Variants in EDAR observed in about 807,000 individuals in gnomAD.
EDAR encodes the protein ectodysplasin A receptor.
A neutral mutation model predicts 51.3 loss-of-function variants in EDAR; 38 were observed. That is an observed-to-expected ratio of 0.74 (90% CI 0.57 to 0.97). EDAR has a LOEUF of 0.97. Ranked by LOEUF, EDAR falls within the 50% of genes least tolerant of loss-of-function variation. The pLI is 0.00. For missense variants in EDAR, 528 were observed against 595.0 expected (o/e 0.89, Z 1.17); for synonymous variants, 227 against 242.1 (o/e 0.94, Z 0.58).
chr2:108,966,022 G>A lies in EDAR; in HGVS notation c.-19+22938C>T, dbSNP rs992580053. Among the ~76,000 whole-genome samples, 3 of 152,052 alleles carry A rather than the reference G, an allele frequency of 2.0e-5. 1 individual carries two copies. Among genetic ancestry groups the A allele is most frequent in the Non-Finnish European group, 4.4e-5 (3 of 68,024 alleles). ...AGTGACACCTTCCCTTTTACAACTG[G>A]GGCTGTTAATACCACAATTAAAACA... On this transcript the variant is annotated intron_variant, in intron 1 of 11. Transcript: ENST00000258443.
chr2:108,919,829 C>T (rs1187734948), intron 5 of EDAR, among the ~76,000 whole-genome samples: 2 of 152,240 alleles, frequency 1.3e-5, no homozygotes, highest in Non-Finnish European at 2.9e-5. Flanking sequence ...AGCCCTTCTG[C>T]CCAGTGGCTC....
In EDAR at chr2:108,897,135, C is replaced by T. The variant is rs144939741; in HGVS notation, c.1119G>A (p.Thr373=). Residue 373 remains threonine (T), a synonymous_variant, in exon 12 of 12, where the codon ACG becomes ACA. Coordinates refer to ENST00000258443, the MANE Select transcript of EDAR (RefSeq NM_022336.4). ...TYNSEKAVVK[T]WRHLAESFGL... is the part of the protein sequence containing the mutation. ...CGAAGCTCTCGGCGAGGTGGCGCCA[C>T]GTTTTCACAACAGCCTTCTCAGAGT... The T allele has an allele frequency of 1.4e-4, 220 of 1,613,988 alleles. No individual in the cohort carries two copies. The Middle Eastern group carries it at 1.5e-3, about 11-fold the overall frequency.
intron 1 of EDAR, among the ~76,000 whole-genome samples, chr2:108,944,302 C>T (rs534364533): frequency 1.5e-4 from 23 of 152,216 alleles, no homozygotes; most frequent in Admixed American, 9.2e-4. Context: ...TTAGTAGAGA[C>T]GGGGTTTCAC....
At chr2:108,912,875 G>T (rs1162356656) in intron 5 of EDAR, 111 bp from the exon 6 acceptor site, 2 of 843,522 alleles carry the variant, frequency 2.4e-6, no homozygotes, top group African/African-American at 1.7e-5. Flanking sequence ...CTGAGGCAGT[G>T]ATGGCTGAGG....
At chr2:108,985,662 C>G (rs1461913174) in intron 1 of EDAR, among the ~76,000 whole-genome samples, 1 of 152,164 alleles carries the variant, frequency 6.6e-6, no homozygotes, top group Non-Finnish European at 1.5e-5. Context: ...TCCTGGGGTC[C>G]AAACAGTGTG....
chr2:108,984,142 C>T (rs1014148328), intron 1 of EDAR, among the ~76,000 whole-genome samples: 14 of 152,090 alleles, frequency 9.2e-5, no homozygotes, highest in South Asian at 2.1e-4. Context: ...CATGTGTTAA[C>T]GGCCAAGGGA....
intron 5 of EDAR, among the ~76,000 whole-genome samples, chr2:108,921,782 C>T (rs1407067271): frequency 2.0e-5 from 3 of 152,248 alleles, no homozygotes; most frequent in Non-Finnish European, 4.4e-5. Context: ...ACCCCAAGGC[C>T]TATCTGGCCG....
chr2:108,939,998 G>A (rs1416132989), intron 1 of EDAR, among the ~76,000 whole-genome samples: 3 of 152,186 alleles, frequency 2.0e-5, no homozygotes, highest in South Asian at 4.1e-4. Flanking sequence ...AAACAAGAAC[G>A]TAATCCTTAA....
intron 1 of EDAR, among the ~76,000 whole-genome samples, chr2:108,987,597 C>T (rs1698518404): frequency 6.6e-6 from 1 of 152,216 alleles, no homozygotes; most frequent in African/African-American, 2.4e-5. Context: ...AGTGTATTTA[C>T]TTTTTCCTCC....
At chr2:108,986,830 G>A (rs915219594) in intron 1 of EDAR, among the ~76,000 whole-genome samples, 13 of 152,152 alleles carry the variant, frequency 8.5e-5, no homozygotes, top group African/African-American at 1.2e-4. Flanking sequence ...GGACAGAATC[G>A]TAGGCATTGA....
At chr2:108,978,226 T>C (rs913285090) in intron 1 of EDAR, among the ~76,000 whole-genome samples, 26 of 152,146 alleles carry the variant, frequency 1.7e-4, no homozygotes, top group African/African-American at 6.0e-4. Flanking sequence ...AACTCATCAT[T>C]GGTCTATGAA....
chr2:108,960,878 C>T (rs1226307389), intron 1 of EDAR, among the ~76,000 whole-genome samples: 2 of 152,186 alleles, frequency 1.3e-5, no homozygotes. Flanking sequence ...TATAGTATTC[C>T]ACCATGTGGA....
chr2:108,933,217 C>T lies in EDAR; in HGVS notation c.-18-2185G>A, dbSNP rs72937966. On this transcript the variant is annotated intron_variant, in intron 1 of 11. Transcript: ENST00000258443. ...CAGGTCTGGAGCGATGCCTGCTGAA[C>T]TTCCAGCAAAGATTTTTTTGGCAGT... Among the ~76,000 whole-genome samples the T allele has an allele frequency of 3.0e-3, 453 of 152,346 alleles. 3 individuals are homozygous for T. The highest frequency in any genetic ancestry group is 0.01 in the African/African-American group (417 of 41,584).
chr2:108,901,954 T>G (rs1408483670), intron 11 of EDAR, among the ~76,000 whole-genome samples: 2 of 151,320 alleles, frequency 1.3e-5, no homozygotes, highest in African/African-American at 4.9e-5. Flanking sequence ...AATACAAAAA[T>G]TAGGGCTGGG....
chr2:108,987,420 C>T (rs916431560), intron 1 of EDAR, among the ~76,000 whole-genome samples: 3 of 152,206 alleles, frequency 2.0e-5, no homozygotes, highest in Non-Finnish European at 4.4e-5. Flanking sequence ...CGCCCAATGG[C>T]AGGCACTGGG....
chr2:108,979,426 C>G (rs560853517), intron 1 of EDAR, among the ~76,000 whole-genome samples: 7,085 of 52,174 alleles, frequency 0.14, 233 homozygotes, highest in Non-Finnish European at 0.32. Flanking sequence ...GTTGCTGTCT[C>G]TCTCTCTCTT....
At chr2:108,961,635 G>A (rs776443740) in intron 1 of EDAR, among the ~76,000 whole-genome samples, 28 of 152,192 alleles carry the variant, frequency 1.8e-4, no homozygotes, top group Admixed American at 1.3e-4. Flanking sequence ...TTATTGTTAC[G>A]TTTTCTTTTC....
chr2:108,931,630 T>C (rs1333717951), intron 1 of EDAR, among the ~76,000 whole-genome samples: 1 of 152,242 alleles, frequency 6.6e-6, no homozygotes, highest in Non-Finnish European at 1.5e-5. Flanking sequence ...ATTGAAGGGA[T>C]TGAGCATGGC....
At chr2:108,897,316 A>C in intron 11 of EDAR, 87 bp from the exon 12 acceptor site, 1 of 1,328,868 alleles carries the variant, frequency 7.5e-7, no homozygotes, top group South Asian at 1.4e-5. Context: ...TGAAATAAAA[A>C]TTATTTGAAA....
Sources: gnomAD v4.1 joint callset for allele counts (sites outside exome capture counted in the v4.1 genomes callset) on GRCh38, gnomAD v4.1.1 for gene constraint, MANE v1.5 for transcripts, NCBI Gene and HGNC (gene_info 2026-07-23, HGNC 2026-07-21) for gene names.